Variants in NPY2R observed in about 807,000 individuals in gnomAD.
NPY2R encodes neuropeptide Y receptor Y2.
In NPY2R, 17 loss-of-function variants were observed where a neutral mutation model predicts 22.3. The ratio of observed to expected loss-of-function variants is 0.76; its 90% CI spans 0.52 to 1.14. The LOEUF (loss-of-function observed/expected upper bound fraction) is 1.14. Among genes scored for constraint, NPY2R ranks in the 50% most tolerant of loss-of-function variants. The pLI is 0.00. For synonymous variants in NPY2R, 209 were observed against 183.4 expected (o/e 1.14, Z -1.13); for missense variants, 424 against 467.9 (o/e 0.91, Z 0.87).
the NPY2R span, among the ~76,000 whole-genome samples, chr4:155,192,536 C>T: frequency 6.6e-6 from 1 of 151,906 alleles, no homozygotes; most frequent in Admixed American, 6.6e-5. Flanking sequence ...TTTCAGTCTG[C>T]ATAATATGCA....
At chr4:155,200,191 A>T in the NPY2R span, among the ~76,000 whole-genome samples, 2 of 152,170 alleles carry the variant, frequency 1.3e-5, no homozygotes, top group Non-Finnish European at 2.9e-5. Flanking sequence ...TGGGCAAAGG[A>T]TCTGAACAGA....
At chr4:155,200,666 T>C in the NPY2R span, among the ~76,000 whole-genome samples, 1 of 145,108 alleles carries the variant, frequency 6.9e-6, no homozygotes, top group African/African-American at 2.7e-5. Flanking sequence ...TGGAATACTA[T>C]GCAGCCATAA....
chr4:155,187,569 A>C, the NPY2R span, among the ~76,000 whole-genome samples: 5 of 152,088 alleles, frequency 3.3e-5, no homozygotes, highest in Admixed American at 3.3e-4. Flanking sequence ...AGAGAGAGAG[A>C]GTCTTGCCCT....
chr4:155,185,981 C>G, the NPY2R span, among the ~76,000 whole-genome samples: 2 of 152,122 alleles, frequency 1.3e-5, no homozygotes, highest in South Asian at 2.1e-4. Context: ...ACAAGAGCAA[C>G]AGTACACATT....
At chr4:155,199,589 G>A in the NPY2R span, among the ~76,000 whole-genome samples, 5 of 152,034 alleles carry the variant, frequency 3.3e-5, no homozygotes, top group African/African-American at 1.2e-4. Flanking sequence ...AACAAAACTG[G>A]AGGCATCATA....
At chr4:155,180,112 G>T in the NPY2R span, among the ~76,000 whole-genome samples, 1 of 150,500 alleles carries the variant, frequency 6.6e-6, no homozygotes, top group African/African-American at 2.4e-5. Flanking sequence ...TTAAGATGGG[G>T]TCTTGCCATG....
At position 155,208,886 on chromosome 4, in the gene NPY2R, G is replaced by T. The variant is rs1336534635; in HGVS notation, c.-232G>T. 6.6e-6 allele frequency: 1 copy of T among 152,166 alleles called. No individual in the cohort carries two copies. The highest frequency in any genetic ancestry group is 1.5e-5 in the Non-Finnish European group (1 of 68,086). The allele number at this position is 152,166 out of a possible 1,614,324, so 9.4% of individuals were successfully genotyped here. ...ACCCGGCAGCGCCAACCGCCCAGCCGCTCTGACTGCTCCGGCTGCCCGCCC... is the reference window on the plus strand; with the variant it reads ...ACCCGGCAGCGCCAACCGCCCAGCCTCTCTGACTGCTCCGGCTGCCCGCCC... On this transcript the variant is annotated 5_prime_UTR_variant, in exon 1 of 2. Coordinates refer to ENST00000329476, the MANE Select transcript of NPY2R (RefSeq NM_000910.4). The surrounding 1 kb of genome is among the most constrained non-coding windows in gnomAD (Gnocchi z 5.6).
chr4:155,196,395 C>T, the NPY2R span, among the ~76,000 whole-genome samples: 1 of 151,822 alleles, frequency 6.6e-6, no homozygotes, highest in South Asian at 2.1e-4. Context: ...AAGAAAGATG[C>T]TGAAGAGAAT....
At position 155,212,034 on chromosome 4, in the gene NPY2R, C is replaced by A. The variant is rs150876201; in HGVS notation, c.-48-1858C>A. Among the ~76,000 whole-genome samples, 536 of 152,298 alleles carry A rather than the reference C, an allele frequency of 3.5e-3. 2 individuals carry two copies. Among genetic ancestry groups the A allele is most frequent in the Middle Eastern group, 0.014 (4 of 292 alleles). On this transcript the variant is annotated intron_variant, in intron 1 of 1. Coordinates refer to ENST00000329476, the MANE Select transcript of NPY2R (RefSeq NM_000910.4). ...AAAATGTATTCTGTGAGAGTCAGCC[C>A]TCCTGTGGTACAGAGCAGAACAGAA...
the NPY2R span, chr4:155,173,760 AC>A: frequency 6.6e-6 from 1 of 151,974 alleles, no homozygotes; most frequent in Middle Eastern, 3.2e-3. Flanking sequence ...AAAGCCACAG[AC>A]ACGAATTCTC....
rs1729492172 is a variant in NPY2R, at chr4:155,215,240, C to A, written c.*155C>A. ...TTTAATTCCTGGAAAACTGGCTGGG[C>A]AGAGCCTGTGTGAAAATACTGGAAT... is the stretch of plus-strand genomic sequence containing the variant. On this transcript the variant is annotated 3_prime_UTR_variant, in exon 2 of 2. Coordinates refer to ENST00000329476, the MANE Select transcript of NPY2R (RefSeq NM_000910.4). The A allele has an allele frequency of 2.6e-6, 2 of 779,630 alleles. No individual in the cohort carries two copies. Among genetic ancestry groups the A allele is most frequent in the Non-Finnish European group, 2.2e-6 (1 of 449,828 alleles). 48.3% of individuals were successfully genotyped at this position (779,630 alleles called of 1,614,324 possible). A position where few individuals can be genotyped will look rare whatever the true frequency, so the allele number is the denominator to read the frequency against.
the NPY2R span, among the ~76,000 whole-genome samples, chr4:155,174,484 A>ATATATATATATATATATT: frequency 3.1e-3 from 333 of 105,938 alleles, 1 homozygote; most frequent in South Asian, 5.7e-3. Flanking sequence ...ATATATATAT[A>ATATATATATATATATATT]TTTTTTTTTT....
At chr4:155,204,275 A>G (rs1418134819), upstream of NPY2R, among the ~76,000 whole-genome samples, 1 of 151,770 alleles carries the variant, frequency 6.6e-6, no homozygotes, top group Non-Finnish European at 1.5e-5. Flanking sequence ...AAAGAAACTT[A>G]TTCTCTTGTG....
intron 1 of NPY2R, 99 bp from the exon 2 acceptor site, chr4:155,213,793 C>G: frequency 1.4e-6 from 1 of 699,174 alleles, no homozygotes; most frequent in Non-Finnish European, 2.5e-6. Flanking sequence ...AAAATTAAAC[C>G]AGTCCATTTG....
rs569808445 is a variant in NPY2R, at chr4:155,214,660, C to A, written c.721C>A (p.Arg241Ser). 3.7e-6 allele frequency: 6 copies of A among 1,614,186 alleles called. No individual in the cohort carries two copies. In the East Asian group the frequency reaches 1.3e-4, roughly 36 times the overall value. ...PLGIISFSYT[R>S]IWSKLKNHVS... is the part of the protein sequence containing the mutation. ...GGGCATTATATCATTTTCCTACACTCGCATTTGGAGTAAATTGAAGAACCA... is the reference window on the plus strand; with the variant it reads ...GGGCATTATATCATTTTCCTACACTAGCATTTGGAGTAAATTGAAGAACCA... The change falls in exon 2 of 2, where the codon CGC (arginine) becomes AGC (serine). Residue 241 changes from arginine to serine, a missense_variant. Transcript: ENST00000329476.
At chr4:155,198,235 C>G in the NPY2R span, among the ~76,000 whole-genome samples, 1 of 151,828 alleles carries the variant, frequency 6.6e-6, no homozygotes, top group South Asian at 2.1e-4. Flanking sequence ...TGGGTTACAT[C>G]AGTGCAAAAT....
chr4:155,179,821 G>A, the NPY2R span, among the ~76,000 whole-genome samples: 2 of 151,730 alleles, frequency 1.3e-5, no homozygotes, highest in African/African-American at 4.8e-5. Flanking sequence ...CCTAAGATCT[G>A]GTCTCCATCT....
At chr4:155,176,191 G>C in the NPY2R span, among the ~76,000 whole-genome samples, 3 of 152,082 alleles carry the variant, frequency 2.0e-5, no homozygotes, top group Non-Finnish European at 2.9e-5. Flanking sequence ...TTAGTTGGTT[G>C]GTGAGATGGG....
the NPY2R span, among the ~76,000 whole-genome samples, chr4:155,202,821 A>G: frequency 6.6e-6 from 1 of 152,156 alleles, no homozygotes; most frequent in Non-Finnish European, 1.5e-5. Flanking sequence ...TTATGTCTCT[A>G]TATGCTACAA....
Sources: gnomAD v4.1 joint callset for allele counts (sites outside exome capture counted in the v4.1 genomes callset) on GRCh38, gnomAD v4.1.1 for gene constraint, Gnocchi (gnomAD v3.1) non-coding constraint, MANE v1.5 for transcripts, NCBI Gene and HGNC (gene_info 2026-07-23, HGNC 2026-07-21) for gene names.